TMEM178B: variants seen among roughly 807,000 people sequenced by gnomAD.
The protein encoded by TMEM178B is transmembrane protein 178B.
In TMEM178B, 5 loss-of-function variants were observed where a neutral mutation model predicts 31.0. The ratio of observed to expected loss-of-function variants is 0.16; its 90% CI spans 0.08 to 0.34. TMEM178B has a LOEUF of 0.34. TMEM178B is among the 10% of genes least tolerant of loss of function. The pLI, the probability that TMEM178B is intolerant of heterozygous loss-of-function variation, is 1.00. For synonymous variants in TMEM178B, 164 were observed against 164.0 expected (o/e 1.00, Z 0.00); for missense variants, 275 against 400.3 (o/e 0.69, Z 2.67).
the TMEM178B span, among the ~76,000 whole-genome samples, chr7:141,498,113 G>T: frequency 3.3e-5 from 5 of 152,202 alleles, no homozygotes; most frequent in South Asian, 4.1e-4. Context: ...GACTTTTGGA[G>T]TTCCAGAGTC....
chr7:141,294,102 G>A (rs1798591515), intron 2 of TMEM178B, among the ~76,000 whole-genome samples: 1 of 152,152 alleles, frequency 6.6e-6, no homozygotes. Flanking sequence ...GGTAAGGGAT[G>A]TTGGGCCAGT....
intron 1 of TMEM178B, among the ~76,000 whole-genome samples, chr7:141,084,496 CT>C (rs781407328): frequency 1.3e-5 from 2 of 152,194 alleles, no homozygotes; most frequent in Non-Finnish European, 2.9e-5. Context: ...TACAAGCCCC[CT>C]GGTTGGTTCT....
intron 2 of TMEM178B, among the ~76,000 whole-genome samples, chr7:141,346,467 C>T (rs1445123345): frequency 6.6e-6 from 1 of 152,164 alleles, no homozygotes; most frequent in Non-Finnish European, 1.5e-5. Context: ...TAGGACAGTA[C>T]CTACCTTCAG....
chr7:141,275,168 T>C (rs1798246112), intron 2 of TMEM178B, among the ~76,000 whole-genome samples: 1 of 152,156 alleles, frequency 6.6e-6, no homozygotes, highest in Non-Finnish European at 1.5e-5. Flanking sequence ...GAAGGATTTG[T>C]ATTCAAGATA....
At chr7:141,399,018 G>A (rs1167550020) in intron 2 of TMEM178B, among the ~76,000 whole-genome samples, 1 of 152,224 alleles carries the variant, frequency 6.6e-6, no homozygotes, top group Non-Finnish European at 1.5e-5. Context: ...GGTAATCAGT[G>A]TGCTCTGAAT....
chr7:141,336,329 G>A (rs994531496), intron 2 of TMEM178B, among the ~76,000 whole-genome samples: 2 of 152,100 alleles, frequency 1.3e-5, no homozygotes, highest in African/African-American at 2.4e-5. Flanking sequence ...AACTCTAGGT[G>A]TCTACATCCC....
At chr7:141,244,392 T>C (rs1304454702) in intron 2 of TMEM178B, among the ~76,000 whole-genome samples, 1 of 152,208 alleles carries the variant, frequency 6.6e-6, no homozygotes, top group African/African-American at 2.4e-5. Context: ...TGAAGGTAGC[T>C]ATGACTGGGA....
chr7:141,292,987 A>G (rs1053838270), intron 2 of TMEM178B, among the ~76,000 whole-genome samples: 1 of 151,856 alleles, frequency 6.6e-6, no homozygotes, highest in African/African-American at 2.4e-5. Flanking sequence ...GGAAGTGTTG[A>G]GCCTGCAATA....
At chr7:141,376,533 G>A (rs948767431) in intron 2 of TMEM178B, among the ~76,000 whole-genome samples, 1 of 152,166 alleles carries the variant, frequency 6.6e-6, no homozygotes, top group Non-Finnish European at 1.5e-5. Context: ...CACCATCGAT[G>A]TCTTCTTGAC....
At chr7:141,492,053 G>A in the TMEM178B span, among the ~76,000 whole-genome samples, 2 of 152,282 alleles carry the variant, frequency 1.3e-5, no homozygotes, top group East Asian at 3.9e-4. Context: ...CATGCCTTCT[G>A]AGGCCTTCAA....
At chr7:141,078,098 TG>T (rs1794626436) in intron 1 of TMEM178B, among the ~76,000 whole-genome samples, 1 of 152,156 alleles carries the variant, frequency 6.6e-6, no homozygotes, top group South Asian at 2.1e-4. Context: ...CAGGTCCTTT[TG>T]TCTTCTTGCT....
intron 2 of TMEM178B, among the ~76,000 whole-genome samples, chr7:141,239,480 G>A (rs1330066738): frequency 1.3e-5 from 2 of 152,122 alleles, no homozygotes; most frequent in Non-Finnish European, 2.9e-5. Context: ...CCTGTCATTG[G>A]GTGCCAGCCA....
chr7:141,245,542 AG>A (rs1383730632), intron 2 of TMEM178B, among the ~76,000 whole-genome samples: 1 of 152,240 alleles, frequency 6.6e-6, no homozygotes, highest in Non-Finnish European at 1.5e-5. Flanking sequence ...GTTTACAGCA[AG>A]AAGAGAAATC....
intron 1 of TMEM178B, among the ~76,000 whole-genome samples, chr7:141,098,765 A>C (rs1328158738): frequency 6.6e-6 from 1 of 152,240 alleles, no homozygotes; most frequent in South Asian, 2.1e-4. Context: ...ATGGGTTGAC[A>C]AGGCCATTTC....
At chr7:141,139,792 T>C (rs1240464092) in intron 1 of TMEM178B, among the ~76,000 whole-genome samples, 1 of 151,676 alleles carries the variant, frequency 6.6e-6, no homozygotes, top group Admixed American at 6.6e-5. Context: ...AGACAGAGTC[T>C]CTCACTCTTG....
intron 2 of TMEM178B, among the ~76,000 whole-genome samples, chr7:141,398,432 C>T (rs1166465750): frequency 6.6e-6 from 1 of 152,160 alleles, no homozygotes; most frequent in East Asian, 1.9e-4. Context: ...CCCAGAGAAA[C>T]AGGAGGACGG....
At chr7:141,507,867 G>A in the TMEM178B span, among the ~76,000 whole-genome samples, 4 of 152,208 alleles carry the variant, frequency 2.6e-5, no homozygotes, top group Non-Finnish European at 5.9e-5. Flanking sequence ...TCTGGCCCAC[G>A]AAACCATTTT....
At chr7:141,493,623 C>T in the TMEM178B span, among the ~76,000 whole-genome samples, 1 of 152,304 alleles carries the variant, frequency 6.6e-6, no homozygotes, top group Non-Finnish European at 1.5e-5. Flanking sequence ...CTCCTCCATC[C>T]TGTTACACCA....
intron 1 of TMEM178B, among the ~76,000 whole-genome samples, chr7:141,181,532 A>G (rs1214226478): frequency 6.6e-6 from 1 of 152,208 alleles, no homozygotes; most frequent in Non-Finnish European, 1.5e-5. Flanking sequence ...GAAATATTTG[A>G]GATGAGTGGA....
Sources: gnomAD v4.1 joint callset for allele counts (sites outside exome capture counted in the v4.1 genomes callset) on GRCh38, gnomAD v4.1.1 for gene constraint, MANE v1.5 for transcripts, NCBI Gene and HGNC (gene_info 2026-07-23, HGNC 2026-07-21) for gene names.